KHDRBS3: variants seen among roughly 807,000 people sequenced by gnomAD.
KHDRBS3 encodes KH RNA binding domain containing, signal transduction associated 3.
A neutral mutation model predicts 45.6 loss-of-function variants in KHDRBS3; 23 were observed. The ratio of observed to expected loss-of-function variants is 0.50; its 90% confidence interval spans 0.36 to 0.72. KHDRBS3 has a LOEUF of 0.72. Among genes scored for constraint, KHDRBS3 ranks in the 30% least tolerant of loss-of-function variants. The probability of loss-of-function intolerance (pLI) is 0.00; values close to 1 mark genes in which losing one functional copy is unlikely to be tolerated. For missense variants in KHDRBS3, 352 were observed against 424.8 expected (o/e 0.83, Z 1.51); for synonymous variants, 162 against 156.5 (o/e 1.04, Z -0.26).
chr8:135,548,116 G>A (rs193184371), intron 3 of KHDRBS3, among the ~76,000 whole-genome samples: 85 of 152,116 alleles, frequency 5.6e-4, no homozygotes, highest in African/African-American at 1.7e-3. Flanking sequence ...ATATGCGAAC[G>A]AGCAAATTGA....
intron 1 of KHDRBS3, among the ~76,000 whole-genome samples, chr8:135,475,474 G>C (rs1352976660): frequency 6.6e-6 from 1 of 151,792 alleles, no homozygotes; most frequent in Non-Finnish European, 1.5e-5. Flanking sequence ...ACCATGCCCA[G>C]CTAATTTTTG....
intron 5 of KHDRBS3, among the ~76,000 whole-genome samples, chr8:135,568,258 A>G (rs750683317): frequency 6.6e-6 from 1 of 152,222 alleles, no homozygotes; most frequent in Non-Finnish European, 1.5e-5. Flanking sequence ...AATAAAAACT[A>G]TAAGCATGAT....
chr8:135,552,220 A>AC (rs552877844), intron 4 of KHDRBS3, among the ~76,000 whole-genome samples: 23 of 151,508 alleles, frequency 1.5e-4, no homozygotes, highest in Admixed American at 7.2e-4. Flanking sequence ...CTGTCTTTCT[A>AC]CCCCCCACCA....
At position 135,548,709 on chromosome 8, in the gene KHDRBS3, A is replaced by G. The variant is rs12545587; in HGVS notation, c.325-45A>G. 0.6 allele frequency: 819,737 copies of G among 1,356,052 alleles called. 252,254 individuals are homozygous for G. The highest frequency in any genetic ancestry group is 0.77 in the East Asian group (29,814 of 38,784). 84.0% of individuals were successfully genotyped at this position (1,356,052 alleles called of 1,614,324 possible). On this transcript the variant is annotated intron_variant, in intron 3 of 8. Transcript: ENST00000355849. Reference sequence around the variant, plus strand: ...TTTATTTATTTATCTTTCATTTCTTATAATGACACGTTTTTAAATGTGATT... The same window carrying G: ...TTTATTTATTTATCTTTCATTTCTTGTAATGACACGTTTTTAAATGTGATT...
chr8:135,589,298 AT>A (rs1828630958), intron 6 of KHDRBS3, among the ~76,000 whole-genome samples: 1 of 152,130 alleles, frequency 6.6e-6, no homozygotes, highest in Admixed American at 6.5e-5. Context: ...AACATCGGAT[AT>A]GCTACTGCCC....
At chr8:135,546,615 T>G (rs1254849021) in intron 3 of KHDRBS3, among the ~76,000 whole-genome samples, 1 of 152,218 alleles carries the variant, frequency 6.6e-6, no homozygotes, top group Non-Finnish European at 1.5e-5. Flanking sequence ...GAGCGCTTAT[T>G]ATGTGCAAGG....
rs571254902 is a variant in KHDRBS3 at position 135,622,712 on chromosome 8, C to G, written c.890+15675C>G. Among the ~76,000 whole-genome samples the G allele has an allele frequency of 2.0e-5, 3 of 152,316 alleles. No individual in the cohort carries two copies. The South Asian group carries it at 6.2e-4, about 32-fold the overall frequency. ...GATTCACAAATGATCCAGAGAAATA[C>G]TGTAACCTGGCTCATAATATGTTGA... On this transcript the variant is annotated intron_variant, in intron 7 of 8. Coordinates refer to ENST00000355849, the MANE Select transcript of KHDRBS3 (RefSeq NM_006558.3).
intron 1 of KHDRBS3, among the ~76,000 whole-genome samples, chr8:135,460,103 A>C (rs1054088197): frequency 1.3e-5 from 2 of 152,256 alleles, no homozygotes; most frequent in African/African-American, 4.8e-5. Context: ...AAGTGTTTTA[A>C]ATCTGAAGCT....
chr8:135,590,082 T>C (rs1005679111), intron 6 of KHDRBS3, among the ~76,000 whole-genome samples: 1 of 152,130 alleles, frequency 6.6e-6, no homozygotes, highest in Non-Finnish European at 1.5e-5. Context: ...GTGAACACCA[T>C]AGAGTGTTCT....
chr8:135,481,223 G>GATATATATATATATATATATAT (rs10529846), intron 1 of KHDRBS3, among the ~76,000 whole-genome samples: 46 of 77,360 alleles, frequency 5.9e-4, no homozygotes, highest in African/African-American at 2.0e-3. Context: ...TGAAAGCCAC[G>GATATATATATATATATATATAT]ATATATATAT....
intron 7 of KHDRBS3, among the ~76,000 whole-genome samples, chr8:135,621,316 A>C (rs567100358): frequency 3.3e-5 from 5 of 152,346 alleles, no homozygotes; most frequent in Non-Finnish European, 7.3e-5. Context: ...TGTGTAAAGC[A>C]CTTTGCACAG....
At chr8:135,469,530 T>TTTTTG (rs1821893985) in intron 1 of KHDRBS3, among the ~76,000 whole-genome samples, 4 of 37,922 alleles carry the variant, frequency 1.1e-4, no homozygotes, top group African/African-American at 2.7e-4. Context: ...TTGGTTTTTT[T>TTTTTG]TTTTTTTTTT....
intron 1 of KHDRBS3, among the ~76,000 whole-genome samples, chr8:135,489,900 C>T (rs112357499): frequency 2.0e-4 from 31 of 152,236 alleles, no homozygotes; most frequent in South Asian, 1.5e-3. Flanking sequence ...GAGCAACTTC[C>T]GCTCCTACAA....
chr8:135,555,539 T>A (rs1409736936), intron 4 of KHDRBS3, among the ~76,000 whole-genome samples: 1 of 152,144 alleles, frequency 6.6e-6, no homozygotes, highest in East Asian at 1.9e-4. Flanking sequence ...TCTTGATTCA[T>A]TTTGTTCTAA....
chr8:135,506,832 G>GC (rs1554619181), intron 1 of KHDRBS3, among the ~76,000 whole-genome samples: 2 of 149,944 alleles, frequency 1.3e-5, no homozygotes, highest in African/African-American at 2.4e-5. Flanking sequence ...TTGTACCATT[G>GC]TTTTTTTTTA....
chr8:135,558,381 T>C (rs1198709925), intron 5 of KHDRBS3, among the ~76,000 whole-genome samples: 2 of 152,224 alleles, frequency 1.3e-5, no homozygotes, highest in African/African-American at 4.8e-5. Flanking sequence ...ATAATGCAAA[T>C]TTTTCAATTA....
At chr8:135,566,613 C>T (rs1183835702) in intron 5 of KHDRBS3, among the ~76,000 whole-genome samples, 7 of 151,926 alleles carry the variant, frequency 4.6e-5, no homozygotes, top group South Asian at 2.1e-4. Context: ...CCAGCAGTTG[C>T]GGAGGCCAAG....
At chr8:135,522,566 A>G (rs1824971255) in intron 2 of KHDRBS3, among the ~76,000 whole-genome samples, 1 of 152,140 alleles carries the variant, frequency 6.6e-6, no homozygotes, top group African/African-American at 2.4e-5. Flanking sequence ...CCTCATCAGT[A>G]TTTGGTGCTG....
chr8:135,605,768 CAAG>C (rs1025387331), intron 6 of KHDRBS3, among the ~76,000 whole-genome samples: 31 of 152,180 alleles, frequency 2.0e-4, no homozygotes, highest in African/African-American at 7.2e-4. Context: ...ATGTGTTGTT[CAAG>C]TGTCAACTGT....
Sources: allele counts gnomAD v4.1 joint callset (sites outside exome capture counted in the v4.1 genomes callset), GRCh38; gene constraint gnomAD v4.1.1; transcripts MANE v1.5; gene names NCBI Gene and HGNC (gene_info 2026-07-23, HGNC 2026-07-21).